Variants in ZNF362 observed in about 807,000 individuals in gnomAD.
The protein encoded by ZNF362 is zinc finger protein 362.
Under a neutral mutation model 42.9 loss-of-function variants are expected in ZNF362, and 11 were observed. The observed-to-expected ratio is 0.26, with a 90% CI of 0.16 to 0.42. ZNF362 has a LOEUF of 0.42. Among genes scored for constraint, ZNF362 ranks in the 20% least tolerant of loss-of-function variants. The pLI is 1.00. For synonymous variants in ZNF362, 255 were observed against 257.3 expected, an observed-to-expected ratio of 0.99 and a Z score of 0.09; for missense variants, 362 against 576.2, an observed-to-expected ratio of 0.63 and a Z score of 3.81.
At chr1:33,229,405 C>CTTTTTTTTTTTTTT in the ZNF362 span, among the ~76,000 whole-genome samples, 1 of 136,510 alleles carries the variant, frequency 7.3e-6, no homozygotes, top group African/African-American at 2.7e-5. Flanking sequence ...TCTATTCTGC[C>CTTTTTTTTTTTTTT]TTTTTTTTTT....
the ZNF362 span, among the ~76,000 whole-genome samples, chr1:33,131,526 G>C: frequency 6.6e-6 from 1 of 152,104 alleles, no homozygotes; most frequent in African/African-American, 2.4e-5. Flanking sequence ...CAAAGATGTA[G>C]TTCAAAAGAA....
At chr1:33,208,443 T>C in the ZNF362 span, among the ~76,000 whole-genome samples, 1 of 152,164 alleles carries the variant, frequency 6.6e-6, no homozygotes. Context: ...AAATTTAAAG[T>C]CGTTTTTTTC....
chr1:33,157,240 C>T, the ZNF362 span, among the ~76,000 whole-genome samples: 2 of 152,164 alleles, frequency 1.3e-5, no homozygotes, highest in Non-Finnish European at 1.5e-5. Flanking sequence ...TCTCACTCAT[C>T]TCCCTCCAGC....
the ZNF362 span, among the ~76,000 whole-genome samples, chr1:33,139,061 G>A: frequency 6.6e-6 from 1 of 152,236 alleles, no homozygotes; most frequent in Non-Finnish European, 1.5e-5. Context: ...GGGGAAGAAG[G>A]AGAATGAGAA....
At chr1:33,176,556 A>G in the ZNF362 span, 1 of 602,746 alleles carries the variant, frequency 1.7e-6, no homozygotes, top group South Asian at 1.8e-5. Context: ...TGAGACGGCC[A>G]GAGAGCCGGA....
the ZNF362 span, among the ~76,000 whole-genome samples, chr1:33,153,548 G>C: frequency 9.2e-5 from 14 of 152,214 alleles, no homozygotes; most frequent in Admixed American, 2.0e-4. Flanking sequence ...GCACAGAGCG[G>C]GGCCCTGCAA....
chr1:33,181,490 C>T, the ZNF362 span: 2 of 1,511,820 alleles, frequency 1.3e-6, no homozygotes, highest in South Asian at 2.5e-5. The surrounding 1 kb of genome is among the most constrained non-coding windows in gnomAD (Gnocchi z 6.5). Flanking sequence ...TGAGAGAGCG[C>T]GGCGCTGTCG....
the ZNF362 span, among the ~76,000 whole-genome samples, chr1:33,155,688 G>A: frequency 1.3e-5 from 2 of 152,236 alleles, no homozygotes; most frequent in East Asian, 3.9e-4. Flanking sequence ...AAAAAATGAG[G>A]ATAATAACAC....
At chr1:33,167,825 T>C in the ZNF362 span, among the ~76,000 whole-genome samples, 2 of 152,224 alleles carry the variant, frequency 1.3e-5, no homozygotes, top group African/African-American at 4.8e-5. The surrounding 1 kb of genome is among the most constrained non-coding windows in gnomAD (Gnocchi z 4.2). Flanking sequence ...GACATGCTGA[T>C]GGAAGAATGC....
chr1:33,273,177 A>G (rs1416192889), intron 2 of ZNF362, among the ~76,000 whole-genome samples: 2 of 152,230 alleles, frequency 1.3e-5, no homozygotes, highest in African/African-American at 4.8e-5. Context: ...GACACGCAGG[A>G]AGAGCTCAGG....
Position 33,300,118 on chromosome 1 carries a change from C to G in ZNF362, c.*1072C>G, listed in dbSNP as rs1285394544. Reference sequence around the variant, plus strand: ...TGTCGGTGTATATAGGAACCATGTACAGAGCCCAGAGAAGCCCCCTACATC... The same window carrying G: ...TGTCGGTGTATATAGGAACCATGTAGAGAGCCCAGAGAAGCCCCCTACATC... On this transcript the variant is annotated 3_prime_UTR_variant, in exon 9 of 9. Coordinates refer to ENST00000539719, the MANE Select transcript of ZNF362 (RefSeq NM_152493.3). 6.6e-6 allele frequency: 1 copy of G among 152,444 alleles called. No individual in the cohort carries two copies. The highest frequency in any genetic ancestry group is 2.4e-5 in the African/African-American group (1 of 41,374). 9.4% of individuals were successfully genotyped at this position (152,444 alleles called of 1,614,324 possible).
chr1:33,207,461 T>C, the ZNF362 span, among the ~76,000 whole-genome samples: 1 of 152,226 alleles, frequency 6.6e-6, no homozygotes, highest in Admixed American at 6.5e-5. Flanking sequence ...TTTGGGTATA[T>C]ACCCACTAAT....
the ZNF362 span, among the ~76,000 whole-genome samples, chr1:33,192,988 C>CAA: frequency 5.3e-4 from 11 of 20,762 alleles, no homozygotes; most frequent in Non-Finnish European, 2.1e-3. Context: ...TCCACACACA[C>CAA]ACACACACAC....
At chr1:33,134,946 C>A in the ZNF362 span, among the ~76,000 whole-genome samples, 1 of 152,210 alleles carries the variant, frequency 6.6e-6, no homozygotes, top group Non-Finnish European at 1.5e-5. Context: ...CTGCCTCCAG[C>A]TGTGTTTCAC....
chr1:33,243,289 CG>C, the ZNF362 span, among the ~76,000 whole-genome samples: 1 of 151,416 alleles, frequency 6.6e-6, no homozygotes, highest in African/African-American at 2.4e-5. Context: ...CCAGAGTAGC[CG>C]GGACCACAGG....
the ZNF362 span, chr1:33,147,716 G>T: frequency 6.2e-7 from 1 of 1,610,912 alleles, no homozygotes; most frequent in South Asian, 1.1e-5. The surrounding 1 kb of genome is among the most constrained non-coding windows in gnomAD (Gnocchi z 8.1). Flanking sequence ...TCCAGGGTTA[G>T]GGCGGCTGGC....
At position 33,276,507 on chromosome 1, in the gene ZNF362, C is replaced by G. The variant is rs1208101041; in HGVS notation, c.262C>G (p.Leu88Val). 8 of 1,569,798 alleles carry G rather than the reference C, an allele frequency of 5.1e-6. No individual in the cohort carries two copies. The highest frequency in any genetic ancestry group is 6.9e-6 in the Non-Finnish European group (8 of 1,162,408). ...SSQAVMSLPKLQQVPGLHPQA... is the reference protein window; with the variant it reads ...SSQAVMSLPKVQQVPGLHPQA... ...CCAGGCCGTCATGTCGCTGCCCAAG[C>G]TGCAGCAGGTGCCGGGGCTGCATCC... Residue 88 changes from leucine to valine, a missense_variant, in exon 4 of 9, where the codon CTG becomes GTG. Leu to Val is a conservative substitution (Grantham distance 32, BLOSUM62 1). This residue lies in a region of ZNF362 where 266 missense variants were observed against 365.4 expected (regional missense o/e 0.73). Transcript: ENST00000539719.
the ZNF362 span, among the ~76,000 whole-genome samples, chr1:33,216,649 G>C: frequency 6.7e-6 from 1 of 150,154 alleles, no homozygotes; most frequent in African/African-American, 2.4e-5. Context: ...TCCTCTGGGA[G>C]TCAAAGAAGG....
chr1:33,245,589 T>C, the ZNF362 span, among the ~76,000 whole-genome samples: 3 of 152,172 alleles, frequency 2.0e-5, no homozygotes, highest in African/African-American at 4.8e-5. Context: ...TCTGGATTAC[T>C]ACCTGGGTAG....
Sources: gnomAD v4.1 joint callset for allele counts (sites outside exome capture counted in the v4.1 genomes callset) on GRCh38, gnomAD v4.1.1 for gene constraint, gnomAD v4.1.1 regional missense constraint, Gnocchi (gnomAD v3.1) non-coding constraint, MANE v1.5 for transcripts, NCBI Gene and HGNC (gene_info 2026-07-23, HGNC 2026-07-21) for gene names.